HIF1AN: variants seen among roughly 807,000 people sequenced by gnomAD.
HIF1AN encodes the protein hypoxia-inducible factor 1-alpha inhibitor.
In HIF1AN, 21 loss-of-function variants were observed where a neutral mutation model predicts 47.7. The observed-to-expected ratio is 0.44, with a 90% CI of 0.31 to 0.63. HIF1AN has a LOEUF of 0.63. Ranked by LOEUF, HIF1AN falls within the 30% of genes least tolerant of loss-of-function variation. The pLI is 0.07. For synonymous variants in HIF1AN, 152 were observed against 155.9 expected (o/e 0.98, Z 0.18); for missense variants, 320 against 432.7 (o/e 0.74, Z 2.31).
chr10:100,536,477 C>G lies in HIF1AN; in HGVS notation c.244C>G (p.Gln82Glu). Residue 82 changes from glutamine (Q) to glutamate (E), a missense_variant, in exon 2 of 8, where the codon CAA becomes GAA. Gln to Glu is a conservative substitution (Grantham distance 29, BLOSUM62 2). Around this residue, in one of 2 missense-constraint regions of HIF1AN, gnomAD observed 159 missense variants for 159.9 expected, o/e 0.99. Coordinates refer to ENST00000299163, the MANE Select transcript of HIF1AN (RefSeq NM_017902.3). The stretch of plus-strand genomic sequence containing the variant: ...CCTGAAATGGGACCTTGAATACCTG[C>G]AAGAGAATATTGGCAATGGAGACTT... ...PALKWDLEYL[Q>E]ENIGNGDFSV... is the part of the protein sequence containing the mutation. The G allele has an allele frequency of 6.2e-7, 1 of 1,614,006 alleles. No homozygotes were observed. Among genetic ancestry groups the G allele is most frequent in the Non-Finnish European group, 8.5e-7 (1 of 1,179,962 alleles).
chr10:100,545,173 C>T, intron 4 of HIF1AN, 77 bp downstream of exon 4: 1 of 1,483,088 alleles, frequency 6.7e-7, no homozygotes, highest in South Asian at 1.2e-5. Context: ...TTTCCCCTTC[C>T]CCGTAGTGAT....
chr10:100,548,064 T>A, intron 7 of HIF1AN, 29 bp from the exon 8 acceptor site: 1 of 1,612,564 alleles, frequency 6.2e-7, no homozygotes, highest in Non-Finnish European at 8.5e-7. Context: ...AACAGCCAGT[T>A]CTGATTGGCT....
chr10:100,537,888 A>G (rs1027518192), intron 2 of HIF1AN, among the ~76,000 whole-genome samples: 1 of 152,216 alleles, frequency 6.6e-6, no homozygotes, highest in Non-Finnish European at 1.5e-5. Flanking sequence ...AAGAGTTTCC[A>G]AGATATGAAC....
chr10:100,539,222 G>A (rs530114163), intron 2 of HIF1AN, among the ~76,000 whole-genome samples: 15 of 152,224 alleles, frequency 9.9e-5, no homozygotes, highest in Admixed American at 2.6e-4. Flanking sequence ...GTGAGACACC[G>A]CACCTGGCCT....
intron 2 of HIF1AN, 134 bp downstream of exon 2, chr10:100,536,795 T>G: frequency 1.0e-6 from 1 of 973,176 alleles, no homozygotes; most frequent in Non-Finnish European, 1.5e-6. Context: ...GTTGAAGGAG[T>G]AGTCTGGTCT....
At chr10:100,544,433 C>T (rs775139573) in intron 3 of HIF1AN, among the ~76,000 whole-genome samples, 6 of 152,134 alleles carry the variant, frequency 3.9e-5, no homozygotes, top group Non-Finnish European at 8.8e-5. Context: ...GTATTGCATT[C>T]GTTAGGTGTA....
rs1293973294 is a variant in HIF1AN at position 100,556,365 on chromosome 10, C to G, written c.*8228C>G. 2 of 152,136 alleles carry G rather than the reference C, an allele frequency of 1.3e-5. No homozygotes were observed. Among genetic ancestry groups the G allele is most frequent in the Admixed American group, 6.5e-5 (1 of 15,276 alleles). 9.4% of individuals were successfully genotyped at this position (152,136 alleles called of 1,614,324 possible). On this transcript the variant is annotated 3_prime_UTR_variant, in exon 8 of 8. Coordinates refer to ENST00000299163, the MANE Select transcript of HIF1AN (RefSeq NM_017902.3). ...GCTGCTCCCCAAGGAGATAAAAGGACAGTTCCTAAAGAGGCATTGAAGGTT... is the reference window on the plus strand; with the variant it reads ...GCTGCTCCCCAAGGAGATAAAAGGAGAGTTCCTAAAGAGGCATTGAAGGTT...
In HIF1AN at chr10:100,554,632, C is replaced by G. The variant is rs907506782; in HGVS notation, c.*6495C>G. The G allele has an allele frequency of 3.3e-5, 5 of 151,064 alleles. No homozygotes were observed. Among genetic ancestry groups the G allele is most frequent in the African/African-American group, 4.9e-5 (2 of 41,036 alleles). 9.4% of individuals were successfully genotyped at this position (151,064 alleles called of 1,614,324 possible). On this transcript the variant is annotated 3_prime_UTR_variant, in exon 8 of 8. Coordinates refer to ENST00000299163, the MANE Select transcript of HIF1AN (RefSeq NM_017902.3). The stretch of plus-strand genomic sequence containing the variant: ...ACTATCCTGGCCAACATGGTGAAAC[C>G]CTGTCTCTACTAAAAATACAAAAAT...
At chr10:100,545,469 G>A (rs1037683875) in intron 4 of HIF1AN, 1 of 224,442 alleles carries the variant, frequency 4.5e-6, no homozygotes, top group African/African-American at 2.3e-5. Flanking sequence ...TAAGAAGGGT[G>A]AATAAAACTG....
intron 2 of HIF1AN, among the ~76,000 whole-genome samples, chr10:100,537,841 A>T (rs532559676): frequency 2.6e-5 from 4 of 152,272 alleles, no homozygotes; most frequent in East Asian, 3.9e-4. Context: ...TCTTCTTAAC[A>T]CTTAGCAGTT....
In HIF1AN at chr10:100,543,431, C is replaced by G. The variant is rs1843065209; in HGVS notation, c.578-1520C>G. Among the ~76,000 whole-genome samples, 5 of 151,974 alleles carry G rather than the reference C, an allele frequency of 3.3e-5. No individual in the cohort carries two copies. The South Asian group carries it at 1.0e-3, about 32-fold the overall frequency. ...ACTGGTCTCGAACTCCTGGCCCCCT[C>G]TCACCTTGGCCCCCTAAGTGATCCT... is the stretch of plus-strand genomic sequence containing the variant. On this transcript the variant is annotated intron_variant, in intron 3 of 7. Transcript: ENST00000299163.
At chr10:100,537,783 A>G (rs552493536) in intron 2 of HIF1AN, among the ~76,000 whole-genome samples, 2 of 152,294 alleles carry the variant, frequency 1.3e-5, no homozygotes, top group African/African-American at 2.4e-5. Flanking sequence ...CTGACTCCTT[A>G]TCAGCAGTCT....
Position 100,550,339 on chromosome 10 carries a change from G to A in HIF1AN, c.*2202G>A, listed in dbSNP as rs184388302. 2.6e-4 allele frequency: 40 copies of A among 152,312 alleles called. No individual in the cohort carries two copies. Among genetic ancestry groups the A allele is most frequent in the African/African-American group, 9.1e-4 (38 of 41,554 alleles). The allele number at this position is 152,312 out of a possible 1,614,324, so 9.4% of individuals were successfully genotyped here. ...CCTGATTTTTAGACACCTAATATGT[G>A]CCTAGTGCTTTTCTCTTTGTTCCTC... On this transcript the variant is annotated 3_prime_UTR_variant, in exon 8 of 8. Transcript: ENST00000299163.
In HIF1AN at chr10:100,553,609, T is replaced by G. The variant is rs546530402; in HGVS notation, c.*5472T>G. 178 of 152,336 alleles carry G rather than the reference T, an allele frequency of 1.2e-3. No homozygotes were observed. Among genetic ancestry groups the G allele is most frequent in the African/African-American group, 3.9e-3 (162 of 41,576 alleles). 9.4% of individuals were successfully genotyped at this position (152,336 alleles called of 1,614,324 possible). On this transcript the variant is annotated 3_prime_UTR_variant, in exon 8 of 8. Coordinates refer to ENST00000299163, the MANE Select transcript of HIF1AN (RefSeq NM_017902.3). Reference sequence around the variant, plus strand: ...TCCCACTGAAAATCTATTCTCATATTTTGGGAAGGAGCATATGTCCTTTAA... The same window carrying G: ...TCCCACTGAAAATCTATTCTCATATGTTGGGAAGGAGCATATGTCCTTTAA...
At chr10:100,546,077 T>C (rs369512683) in intron 5 of HIF1AN, 28 bp downstream of exon 5, 18 of 1,415,836 alleles carry the variant, frequency 1.3e-5, no homozygotes, top group Admixed American at 1.8e-5. Flanking sequence ...GCTGGGGGCT[T>C]TTTGGGAGCT....
rs1193348477 is a variant in HIF1AN, at chr10:100,535,982, T to A, written c.24T>A (p.Ala8=). 3 of 1,555,538 alleles carry A rather than the reference T, an allele frequency of 1.9e-6. No individual in the cohort carries two copies. In the African/African-American group the frequency reaches 4.1e-5, roughly 21 times the overall value. Reference sequence around the variant, plus strand: ...AGATGGCGGCGACAGCGGCGGAGGCTGTGGCCTCTGGCTCTGGAGAGCCCC... The same window carrying A: ...AGATGGCGGCGACAGCGGCGGAGGCAGTGGCCTCTGGCTCTGGAGAGCCCC... MAATAAE[A]VASGSGEPRE... Residue 8 remains alanine, a synonymous_variant, in exon 1 of 8, where the codon GCT becomes GCA. Transcript: ENST00000299163.
Position 100,558,623 on chromosome 10 carries a change from TCAGGGATGTGAGCTGACTGA to T in HIF1AN, c.*10488_*10507del, listed in dbSNP as rs1489933781. 3.3e-5 allele frequency: 5 copies of T among 152,328 alleles called. No individual in the cohort carries two copies. The East Asian group carries it at 9.6e-4, about 29-fold the overall frequency. The allele number at this position is 152,328 out of a possible 1,614,324, so 9.4% of individuals were successfully genotyped here. The stretch of plus-strand genomic sequence containing the variant: ...AGTTAGGCCCTGAATAGCGTCAAAC[TCAGGGATGTGAGCTGACTGA>T]CTGCCTTTTTATGTAATGGAGGCCA... On this transcript the variant is annotated 3_prime_UTR_variant, in exon 8 of 8. Transcript: ENST00000299163.
At position 100,552,294 on chromosome 10, in the gene HIF1AN, A is replaced by G. The variant is rs1481264397; in HGVS notation, c.*4157A>G. ...CTCTTTCAGAATGGGAACTTCCCAA[A>G]AATGGGGCTGCGTCTCGCCTCTCAG... On this transcript the variant is annotated 3_prime_UTR_variant, in exon 8 of 8. Coordinates refer to ENST00000299163, the MANE Select transcript of HIF1AN (RefSeq NM_017902.3). 6.6e-6 allele frequency: 1 copy of G among 152,242 alleles called. No homozygotes were observed. Among genetic ancestry groups the G allele is most frequent in the African/African-American group, 2.4e-5 (1 of 41,458 alleles). 9.4% of individuals were successfully genotyped at this position (152,242 alleles called of 1,614,324 possible).
chr10:100,557,442 ATTTTGT>A lies in HIF1AN; in HGVS notation c.*9308_*9313del, dbSNP rs1843223564. 1 of 151,850 alleles carries A rather than the reference ATTTTGT, an allele frequency of 6.6e-6. No individual in the cohort carries two copies. Among genetic ancestry groups the A allele is most frequent in the African/African-American group, 2.4e-5 (1 of 41,288 alleles). 9.4% of individuals were successfully genotyped at this position (151,850 alleles called of 1,614,324 possible). On this transcript the variant is annotated 3_prime_UTR_variant, in exon 8 of 8. Transcript: ENST00000299163. Reference sequence around the variant, plus strand: ...ATATTGGGAGTGGGGGTTTCGGGAGATTTTGTTTGTTTGTTTTTTTGAGATGGAGTT... The same window carrying A: ...ATATTGGGAGTGGGGGTTTCGGGAGATTGTTTGTTTTTTTGAGATGGAGTT...
Sources: allele counts gnomAD v4.1 joint callset (sites outside exome capture counted in the v4.1 genomes callset), GRCh38; gene constraint gnomAD v4.1.1; regional missense constraint gnomAD v4.1.1; transcripts MANE v1.5; gene names NCBI Gene and HGNC (gene_info 2026-07-23, HGNC 2026-07-21).